The following SDK2 variants were observed in gnomAD, a reference collection of about 807,000 sequenced individuals.
SDK2 encodes protein sidekick-2.
A neutral mutation model predicts 253.9 loss-of-function variants in SDK2; 105 were observed. The observed-to-expected ratio is 0.41, with a 90% CI of 0.35 to 0.49. The LOEUF (loss-of-function observed/expected upper bound fraction) is 0.49, where lower values mean the gene tolerates loss of function less well. Ranked by LOEUF, SDK2 falls within the 20% of genes least tolerant of loss-of-function variation. The pLI is 0.06. For missense variants in SDK2, 2,608 were observed against 3,003.0 expected (o/e 0.87, Z 3.07); for synonymous variants, 1,249 against 1,234.9 (o/e 1.01, Z -0.24).
At position 73,361,643 on chromosome 17, in the gene SDK2, A is replaced by G; in HGVS notation, c.5467+41T>C. On this transcript the variant is annotated intron_variant, in intron 39 of 44. Transcript: ENST00000392650. The surrounding 1 kb of genome is among the most constrained non-coding windows in gnomAD (Gnocchi z 4.1). ...GGCCCCTTCTGACTGGGGACGCTGA[A>G]CCGCCGTGTGGAAGACATGCCTGGT... 1.3e-6 allele frequency: 2 copies of G among 1,587,920 alleles called. No homozygotes were observed. The highest frequency in any genetic ancestry group is 1.7e-6 in the Non-Finnish European group (2 of 1,159,358).
chr17:73,433,644 AC>A, intron 10 of SDK2, 87 bp downstream of exon 10: 1 of 998,958 alleles, frequency 1.0e-6, no homozygotes, highest in South Asian at 1.4e-5. Context: ...TACGTGGGGA[AC>A]CCAACCTGGC....
At chr17:73,464,225 T>C (rs1394032289) in intron 3 of SDK2, among the ~76,000 whole-genome samples, 1 of 152,184 alleles carries the variant, frequency 6.6e-6, no homozygotes, top group African/African-American at 2.4e-5. Context: ...ATAATCCCCA[T>C]GTGTCAAGGG....
chr17:73,403,921 T>C (rs1401429296), intron 18 of SDK2, among the ~76,000 whole-genome samples: 1 of 152,252 alleles, frequency 6.6e-6, no homozygotes, highest in Non-Finnish European at 1.5e-5. Context: ...ATTTAATTAA[T>C]GTACATTCAA....
intron 8 of SDK2, 129 bp downstream of exon 8, chr17:73,437,610 G>T: frequency 1.2e-6 from 1 of 815,600 alleles, no homozygotes; most frequent in Non-Finnish European, 2.1e-6. Context: ...TGCTCAGACA[G>T]CCAGACAGAC....
chr17:73,365,764 T>C (rs185696050), intron 37 of SDK2, among the ~76,000 whole-genome samples: 376 of 152,148 alleles, frequency 2.5e-3, no homozygotes, highest in Non-Finnish European at 3.9e-3. Flanking sequence ...GCGGGGTTCG[T>C]CTTTTGGCTT....
At chr17:73,544,256 C>A (rs993426729) in intron 1 of SDK2, among the ~76,000 whole-genome samples, 1 of 152,188 alleles carries the variant, frequency 6.6e-6, no homozygotes, top group Non-Finnish European at 1.5e-5. Flanking sequence ...TCAGTGACTT[C>A]CTTCAGGAAA....
chr17:73,375,412 T>C (rs935616104), intron 36 of SDK2, among the ~76,000 whole-genome samples: 9 of 151,906 alleles, frequency 5.9e-5, no homozygotes, highest in African/African-American at 2.2e-4. Context: ...GCTAATTTTG[T>C]TGTTGTTTTC....
intron 1 of SDK2, among the ~76,000 whole-genome samples, chr17:73,605,672 T>G (rs2045898212): frequency 1.3e-5 from 2 of 152,188 alleles, no homozygotes; most frequent in African/African-American, 4.8e-5. Flanking sequence ...TCCTCCAAAT[T>G]CGGGCAATAC....
intron 5 of SDK2, among the ~76,000 whole-genome samples, chr17:73,441,262 C>T (rs752876257): frequency 1.4e-4 from 21 of 151,934 alleles, no homozygotes; most frequent in Non-Finnish European, 2.8e-4. Context: ...CCGGGTTGAC[C>T]TTGTTGGTTT....
intron 1 of SDK2, among the ~76,000 whole-genome samples, chr17:73,535,032 TGGA>T (rs2044750633): frequency 6.6e-6 from 1 of 152,184 alleles, no homozygotes; most frequent in Non-Finnish European, 1.5e-5. Context: ...TCCTGGAATC[TGGA>T]GGAGAAAGAG....
rs1351066727 is a variant in SDK2, at chr17:73,401,000, C to A, written c.2971+20G>T. On this transcript the variant is annotated intron_variant, in intron 21 of 44. Coordinates refer to ENST00000392650, the MANE Select transcript of SDK2 (RefSeq NM_001144952.2). ...GCTCAGGAGAACTCAAAGAGTCCTG[C>A]CTTGAGAGTGGGCACTTACCTGGGG... 4.5e-6 allele frequency: 7 copies of A among 1,556,914 alleles called. No homozygotes were observed. In the South Asian group the frequency reaches 5.9e-5, roughly 13 times the overall value.
At chr17:73,389,904 C>T (rs2062912628) in intron 29 of SDK2, among the ~76,000 whole-genome samples, 1 of 152,162 alleles carries the variant, frequency 6.6e-6, no homozygotes, top group Non-Finnish European at 1.5e-5. Context: ...TGTGTGCCAC[C>T]ACGCTGGCTA....
At chr17:73,487,320 G>A (rs986024133) in intron 2 of SDK2, among the ~76,000 whole-genome samples, 1 of 152,234 alleles carries the variant, frequency 6.6e-6, no homozygotes, top group Non-Finnish European at 1.5e-5. Context: ...GGAGCAAGGT[G>A]GGTTGAAAGT....
intron 1 of SDK2, among the ~76,000 whole-genome samples, chr17:73,611,759 T>C (rs958377291): frequency 4.6e-5 from 7 of 152,224 alleles, no homozygotes; most frequent in Admixed American, 3.9e-4. Context: ...GCTCCTCCTA[T>C]TGGGACCCAC....
intron 2 of SDK2, among the ~76,000 whole-genome samples, chr17:73,494,500 G>C (rs932628226): frequency 1.3e-5 from 2 of 152,220 alleles, no homozygotes; most frequent in Admixed American, 1.3e-4. Flanking sequence ...CCGTTACGGA[G>C]AGTGTGAGCA....
rs940666416 is a variant in SDK2 at position 73,505,701 on chromosome 17, A to G, written c.224+1737T>C. Among the ~76,000 whole-genome samples the G allele has an allele frequency of 1.6e-3, 234 of 147,186 alleles. 2 individuals carry two copies. The highest frequency in any genetic ancestry group is 7.3e-3 in the East Asian group (34 of 4,678). ...ATAGCTGGACCTCATCATCATCATC[A>G]TCAATAGCTGGACCTCATCATCGTC... On this transcript the variant is annotated intron_variant, in intron 2 of 44. Coordinates refer to ENST00000392650, the MANE Select transcript of SDK2 (RefSeq NM_001144952.2).
intron 3 of SDK2, among the ~76,000 whole-genome samples, chr17:73,471,271 A>G (rs1014451070): frequency 1.3e-5 from 2 of 152,128 alleles, no homozygotes; most frequent in Admixed American, 1.3e-4. Context: ...TCAGGCTGTT[A>G]TCACTCCAGG....
rs953969053 is a variant in SDK2 at position 73,335,487 on chromosome 17, T to G, written c.*3100A>C. ...ACCACCCCTTTCTAATGTGGCCAGG[T>G]TTCTGGGAGGACGGTTGGGAGCCTC... On this transcript the variant is annotated 3_prime_UTR_variant, in exon 45 of 45. Coordinates refer to ENST00000392650, the MANE Select transcript of SDK2 (RefSeq NM_001144952.2). 1 of 152,252 alleles carries G rather than the reference T, an allele frequency of 6.6e-6. No individual in the cohort carries two copies. Among genetic ancestry groups the G allele is most frequent in the Non-Finnish European group, 1.5e-5 (1 of 68,064 alleles). The allele number at this position is 152,252 out of a possible 1,614,324, so 9.4% of individuals were successfully genotyped here. A position where few individuals can be genotyped will look rare whatever the true frequency, so the allele number is the denominator to read the frequency against.
Position 73,441,489 on chromosome 17 carries a change from G to C in SDK2, c.614-566C>G, listed in dbSNP as rs78785332. Among the ~76,000 whole-genome samples the C allele has an allele frequency of 3.7e-3, 569 of 152,292 alleles. 25 individuals carry two copies. In the East Asian group the frequency reaches 0.095, roughly 25 times the overall value. The stretch of plus-strand genomic sequence containing the variant: ...GTGGGCTCAAGATCCAATACGACTG[G>C]TGTCCTTGTAAGAAGAGGGAAATTG... On this transcript the variant is annotated intron_variant, in intron 5 of 44. Coordinates refer to ENST00000392650, the MANE Select transcript of SDK2 (RefSeq NM_001144952.2).
Sources: gnomAD v4.1 joint callset for allele counts (sites outside exome capture counted in the v4.1 genomes callset) on GRCh38, gnomAD v4.1.1 for gene constraint, Gnocchi (gnomAD v3.1) non-coding constraint, MANE v1.5 for transcripts, NCBI Gene and HGNC (gene_info 2026-07-23, HGNC 2026-07-21) for gene names.